The following DPP10 variants were observed in gnomAD, a reference collection of about 807,000 sequenced individuals.
The protein encoded by DPP10 is dipeptidyl peptidase like 10.
In DPP10, 33 loss-of-function variants were observed where a neutral mutation model predicts 120.9. The observed-to-expected ratio is 0.27, with a 90% CI of 0.21 to 0.37. The LOEUF (loss-of-function observed/expected upper bound fraction) is 0.37. Among genes scored for constraint, DPP10 ranks in the 10% least tolerant of loss-of-function variants. DPP10 has a pLI of 1.00. For missense variants in DPP10, 816 were observed against 942.8 expected (o/e 0.87, Z 1.76); for synonymous variants, 337 against 326.1 (o/e 1.03, Z -0.36).
chr2:115,714,831 G>A (rs541676989), intron 7 of DPP10, among the ~76,000 whole-genome samples: 45 of 151,864 alleles, frequency 3.0e-4, no homozygotes, highest in Non-Finnish European at 4.9e-4. Flanking sequence ...AGTTCAAGAC[G>A]AGCCTGGCCA....
chr2:114,633,143 T>C lies in DPP10; in HGVS notation c.60+190305T>C, dbSNP rs1695058397. ...TTTTAGTGGGCAGAACTAGAAGATA[T>C]ATTAAAATGGAAATCAATTACTTTG... On this transcript the variant is annotated intron_variant, in intron 1 of 25. Coordinates refer to ENST00000410059, the MANE Select transcript of DPP10 (RefSeq NM_020868.6). 2.4e-5 allele frequency among the ~76,000 whole-genome samples: 3 copies of C among 126,266 alleles called. 1 individual carries two copies. Among genetic ancestry groups the C allele is most frequent in the African/African-American group, 1.1e-4 (3 of 27,286 alleles). 82.8% of individuals were successfully genotyped at this position (126,266 alleles called of 152,430 possible).
chr2:115,040,231 T>G (rs958948148), intron 1 of DPP10, among the ~76,000 whole-genome samples: 1 of 151,792 alleles, frequency 6.6e-6, no homozygotes, highest in Non-Finnish European at 1.5e-5. Flanking sequence ...CCAAACCATA[T>G]CACCAGGTGA....
intron 1 of DPP10, among the ~76,000 whole-genome samples, chr2:115,190,800 G>A (rs188740629): frequency 2.6e-5 from 4 of 152,276 alleles, no homozygotes; most frequent in East Asian, 1.9e-4. Flanking sequence ...CCTGCCTGTC[G>A]CACATAACAG....
rs914280153 is a variant in DPP10 at position 115,730,942 on chromosome 2, G to A, written c.697+3006G>A. ...TAATCATTTATGAAGAAACTAAGAC[G>A]CACCCAGTGCTGTGGCTCATGCCAG... On this transcript the variant is annotated intron_variant, in intron 8 of 25. Transcript: ENST00000410059. Among the ~76,000 whole-genome samples, 6 of 152,120 alleles carry A rather than the reference G, an allele frequency of 3.9e-5. No homozygotes were observed. The East Asian group carries it at 9.7e-4, about 25-fold the overall frequency.
At chr2:115,651,161 T>A (rs1359992826) in intron 5 of DPP10, among the ~76,000 whole-genome samples, 1 of 151,968 alleles carries the variant, frequency 6.6e-6, no homozygotes, top group Non-Finnish European at 1.5e-5. Flanking sequence ...TAGTAACTAG[T>A]CCAAAACTAT....
chr2:115,229,470 T>A (rs758839442), intron 1 of DPP10, among the ~76,000 whole-genome samples: 1 of 152,186 alleles, frequency 6.6e-6, no homozygotes, highest in African/African-American at 2.4e-5. Context: ...TCCTGATTCC[T>A]CAGTGGTTTT....
intron 1 of DPP10, among the ~76,000 whole-genome samples, chr2:114,507,178 G>A (rs114533672): frequency 0.031 from 4,747 of 151,420 alleles, 247 homozygotes; most frequent in African/African-American, 0.11. Context: ...CTCTCGAATA[G>A]CTGAGACTAC....
At chr2:114,578,017 A>C (rs1247446100) in intron 1 of DPP10, among the ~76,000 whole-genome samples, 2 of 152,226 alleles carry the variant, frequency 1.3e-5, no homozygotes, top group Admixed American at 6.5e-5. Flanking sequence ...GTTGAACTTC[A>C]AAATATAAAT....
Position 114,455,733 on chromosome 2 carries a change from T to A in DPP10, c.60+12895T>A, listed in dbSNP as rs564466017. Reference sequence around the variant, plus strand: ...CTCATACCCACAAATTCATTTGTTTTTTTTTTTTTTTACCATTTTCATGCT... The same window carrying A: ...CTCATACCCACAAATTCATTTGTTTATTTTTTTTTTTACCATTTTCATGCT... On this transcript the variant is annotated intron_variant, in intron 1 of 25. Transcript: ENST00000410059. 8.8e-3 allele frequency among the ~76,000 whole-genome samples: 1,319 copies of A among 149,116 alleles called. 31 individuals carry two copies. Among genetic ancestry groups the A allele is most frequent in the African/African-American group, 0.032 (1,242 of 39,394 alleles).
intron 1 of DPP10, among the ~76,000 whole-genome samples, chr2:114,625,354 T>C (rs139678539): frequency 9.1e-4 from 138 of 152,122 alleles, no homozygotes; most frequent in African/African-American, 3.2e-3. Context: ...GTTAGATATG[T>C]CTTTTTAAAC....
intron 1 of DPP10, among the ~76,000 whole-genome samples, chr2:114,662,894 G>C (rs1342245707): frequency 6.6e-6 from 1 of 152,158 alleles, no homozygotes; most frequent in Non-Finnish European, 1.5e-5. Context: ...AATGCCCAGA[G>C]ACTCGGCAGA....
At chr2:115,574,522 A>T (rs1295736735) in intron 5 of DPP10, among the ~76,000 whole-genome samples, 1 of 152,058 alleles carries the variant, frequency 6.6e-6, no homozygotes, top group East Asian at 1.9e-4. Flanking sequence ...TCAACACTTA[A>T]CTAAATGGTC....
intron 1 of DPP10, among the ~76,000 whole-genome samples, chr2:115,153,031 T>C (rs377721193): frequency 2.0e-5 from 3 of 152,084 alleles, no homozygotes. Context: ...ACACAGTAGA[T>C]TGCAGTTTAT....
chr2:114,484,498 C>T (rs72949892), intron 1 of DPP10, among the ~76,000 whole-genome samples: 5,510 of 152,222 alleles, frequency 0.036, 155 homozygotes, highest in Middle Eastern at 0.085. Flanking sequence ...TTATCTGCCA[C>T]GAGTTAGCCC....
chr2:115,693,602 A>C (rs1016376005), intron 7 of DPP10, among the ~76,000 whole-genome samples: 4 of 152,130 alleles, frequency 2.6e-5, no homozygotes, highest in African/African-American at 9.7e-5. Context: ...AAATAATAGC[A>C]CTTTGATACA....
chr2:115,561,673 A>G (rs1380064003), intron 5 of DPP10, among the ~76,000 whole-genome samples: 1 of 152,182 alleles, frequency 6.6e-6, no homozygotes, highest in Non-Finnish European at 1.5e-5. Flanking sequence ...TTATTTAACC[A>G]GTGTTGCAAT....
intron 1 of DPP10, among the ~76,000 whole-genome samples, chr2:114,971,121 G>A (rs922799474): frequency 1.4e-4 from 22 of 152,102 alleles, no homozygotes; most frequent in African/African-American, 4.8e-4. Flanking sequence ...CAGTTGTGAC[G>A]CCTCATGTTT....
intron 1 of DPP10, among the ~76,000 whole-genome samples, chr2:114,601,228 C>T (rs1359017058): frequency 6.6e-6 from 1 of 151,860 alleles, no homozygotes; most frequent in Non-Finnish European, 1.5e-5. Context: ...AGTTTAGAGA[C>T]TGGTTAGTGT....
intron 5 of DPP10, among the ~76,000 whole-genome samples, chr2:115,600,181 G>A (rs1424769383): frequency 1.3e-5 from 2 of 152,050 alleles, no homozygotes; most frequent in Admixed American, 1.3e-4. Context: ...GCTGCCCCAA[G>A]TTTTGATTCC....
Sources: allele counts gnomAD v4.1 joint callset (sites outside exome capture counted in the v4.1 genomes callset), GRCh38; gene constraint gnomAD v4.1.1; transcripts MANE v1.5; gene names NCBI Gene and HGNC (gene_info 2026-07-23, HGNC 2026-07-21).